CCDC14: variants seen among roughly 807,000 people sequenced by gnomAD.
The protein encoded by CCDC14 is coiled-coil domain-containing protein 14.
Under a neutral mutation model 81.4 loss-of-function variants are expected in CCDC14, and 71 were observed. The ratio of observed to expected loss-of-function variants is 0.87; its 90% CI spans 0.72 to 1.06. The LOEUF (loss-of-function observed/expected upper bound fraction) is 1.06, where lower values mean the gene tolerates loss of function less well. Ranked by LOEUF, CCDC14 falls within the 50% of genes least tolerant of loss-of-function variation. CCDC14 has a pLI of 0.00. For synonymous variants in CCDC14, 332 were observed against 364.8 expected, an observed-to-expected ratio of 0.91 and a Z score of 1.03; for missense variants, 1,046 against 1,047.3, an observed-to-expected ratio of 1.00 and a Z score of 0.02.
chr3:123,921,500 G>A (rs1444029145), intron 12 of CCDC14, among the ~76,000 whole-genome samples: 1 of 152,136 alleles, frequency 6.6e-6, no homozygotes, highest in Non-Finnish European at 1.5e-5. Flanking sequence ...CCCAACATTG[G>A]AGCAACTAAA....
chr3:123,930,541 T>C (rs1476006243), intron 12 of CCDC14, among the ~76,000 whole-genome samples: 1 of 152,234 alleles, frequency 6.6e-6, no homozygotes, highest in African/African-American at 2.4e-5. Flanking sequence ...AATTTTATTT[T>C]AGAAAAATAC....
At chr3:123,900,166 T>C (rs2034150532) in intron 5 of CCDC14, among the ~76,000 whole-genome samples, 1 of 152,356 alleles carries the variant, frequency 6.6e-6, no homozygotes, top group South Asian at 2.1e-4. Context: ...AATAAAAAGC[T>C]ATTAATTGCA....
Position 123,956,789 on chromosome 3 carries a change from A to G in CCDC14, c.37T>C (p.Ser13Pro), listed in dbSNP as rs1240782176. 2.0e-6 allele frequency: 3 copies of G among 1,535,572 alleles called. No homozygotes were observed. Among genetic ancestry groups the G allele is most frequent in the African/African-American group, 1.4e-5 (1 of 72,618 alleles). ...RSGARPGQVL[S>P]SGRHTGPAKL... Reference sequence around the variant, plus strand: ...GCAGGTCCAGTGTGCCTTCCTGAAGATAACACCTATGACATAATATATTAT... The same window carrying G: ...GCAGGTCCAGTGTGCCTTCCTGAAGGTAACACCTATGACATAATATATTAT... The change falls in exon 2 of 13, where the codon TCT becomes CCT. Residue 13 changes from serine (S) to proline (P), a missense_variant. Physicochemically the swap from Ser to Pro is moderately conservative, Grantham distance 74. Transcript: ENST00000409697.
the CCDC14 span, among the ~76,000 whole-genome samples, chr3:123,891,191 C>T: frequency 2.0e-5 from 3 of 152,252 alleles, no homozygotes; most frequent in African/African-American, 7.2e-5. Flanking sequence ...CGTTTTCCTC[C>T]TAGGCCTCCT....
chr3:123,891,653 TATCAGC>T, the CCDC14 span, among the ~76,000 whole-genome samples: 3 of 152,186 alleles, frequency 2.0e-5, no homozygotes, highest in Non-Finnish European at 4.4e-5. Flanking sequence ...TCCATGTTAT[TATCAGC>T]ATTTTTGTCA....
intron 7 of CCDC14, among the ~76,000 whole-genome samples, chr3:123,947,662 A>G (rs935731457): frequency 6.6e-6 from 1 of 152,138 alleles, no homozygotes; most frequent in African/African-American, 2.4e-5. Flanking sequence ...CATCTGTGGT[A>G]TTTGTAAACA....
chr3:123,892,236 C>T, the CCDC14 span, among the ~76,000 whole-genome samples: 1 of 152,164 alleles, frequency 6.6e-6, no homozygotes, highest in Non-Finnish European at 1.5e-5. Context: ...CTTCTGTGCA[C>T]CCCCAGGCCC....
intron 9 of CCDC14, among the ~76,000 whole-genome samples, chr3:123,936,808 T>A (rs576735734): frequency 6.6e-6 from 1 of 152,058 alleles, no homozygotes; most frequent in Non-Finnish European, 1.5e-5. Context: ...TGTTTACCTA[T>A]GTAACAAACC....
downstream of CCDC14, among the ~76,000 whole-genome samples, chr3:123,912,539 T>TG (rs1397911280): frequency 6.6e-6 from 1 of 152,208 alleles, no homozygotes; most frequent in African/African-American, 2.4e-5. Context: ...GTCACCCAGC[T>TG]GACTGAAAAA....
At chr3:123,899,170 T>A (rs1435057379) in intron 5 of CCDC14, among the ~76,000 whole-genome samples, 1 of 152,246 alleles carries the variant, frequency 6.6e-6, no homozygotes, top group Non-Finnish European at 1.5e-5. Context: ...GTTTATTGTT[T>A]AATCGGTTTA....
chr3:123,931,784 T>C (rs1334953689), intron 10 of CCDC14, among the ~76,000 whole-genome samples: 2 of 152,184 alleles, frequency 1.3e-5, no homozygotes, highest in Admixed American at 6.5e-5. Flanking sequence ...ACATAATCCT[T>C]TTAAAAGAAT....
intron 12 of CCDC14, among the ~76,000 whole-genome samples, chr3:123,925,338 T>G (rs1343081924): frequency 2.0e-5 from 3 of 151,960 alleles, no homozygotes; most frequent in African/African-American, 7.2e-5. Flanking sequence ...GTGGTGGATG[T>G]AAGGTAGGGT....
At chr3:123,891,196 C>T in the CCDC14 span, among the ~76,000 whole-genome samples, 1 of 152,204 alleles carries the variant, frequency 6.6e-6, no homozygotes, top group Admixed American at 6.5e-5. Flanking sequence ...TCCTCCTAGG[C>T]CTCCTGGCCT....
chr3:123,924,928 CACACACATATATATGTATACATATAT>C (rs1243453390), intron 12 of CCDC14, among the ~76,000 whole-genome samples: 1 of 142,496 alleles, frequency 7.0e-6, no homozygotes, highest in African/African-American at 2.6e-5. Flanking sequence ...TATATATATA[CACACACATATATATGTATACATATAT>C]ACACACACAC....
intron 9 of CCDC14, among the ~76,000 whole-genome samples, chr3:123,943,463 A>C (rs896400152): frequency 6.6e-6 from 1 of 151,952 alleles, no homozygotes; most frequent in Non-Finnish European, 1.5e-5. Flanking sequence ...AATATACTCT[A>C]ATCTTCTCCC....
the CCDC14 span, among the ~76,000 whole-genome samples, chr3:123,885,646 TC>T: frequency 2.3e-3 from 352 of 152,320 alleles, 1 homozygote; most frequent in Non-Finnish European, 3.7e-3. Flanking sequence ...TGGCAGCTGA[TC>T]CAGGGTCTTC....
At position 123,931,381 on chromosome 3, in the gene CCDC14, T is replaced by C; in HGVS notation, c.1572A>G (p.Ile524Met). The C allele has an allele frequency of 6.6e-7, 1 of 1,523,984 alleles. No individual in the cohort carries two copies. Among genetic ancestry groups the C allele is most frequent in the Middle Eastern group, 1.7e-4 (1 of 5,756 alleles). 94.4% of individuals were successfully genotyped at this position (1,523,984 alleles called of 1,614,324 possible). Residue 524 changes from isoleucine to methionine, a missense_variant, in exon 11 of 13, where the codon ATA becomes ATG. Coordinates refer to ENST00000409697, the MANE Select transcript of CCDC14 (RefSeq NM_001366335.1). ...GTATAGTTTGATCTTTGTCTTTAAA[T>C]ATACTACTAAATTTTTTGTTTTCAT... ...QKDENKKFSS[I>M]FKDKDQTILE... is the part of the protein sequence containing the mutation.
Position 123,931,532 on chromosome 3 carries a change from A to G in CCDC14, c.1427-6T>C. 1.3e-6 allele frequency: 2 copies of G among 1,489,280 alleles called. No homozygotes were observed. The highest frequency in any genetic ancestry group is 1.8e-6 in the Non-Finnish European group (2 of 1,098,980). 92.3% of individuals were successfully genotyped at this position (1,489,280 alleles called of 1,614,324 possible). On this transcript the variant is annotated splice_region_variant and splice_polypyrimidine_tract_variant and intron_variant, in intron 10 of 12. Transcript: ENST00000409697. ...CAATGACTGAAGAGAAAACACTGTT[A>G]AGACAAAATGGATCAAATAGTTGTT...
intron 10 of CCDC14, among the ~76,000 whole-genome samples, chr3:123,932,615 G>A (rs1397075856): frequency 6.6e-6 from 1 of 152,022 alleles, no homozygotes; most frequent in Non-Finnish European, 1.5e-5. Flanking sequence ...TGGCATTTGA[G>A]TCTTTGTCAG....
Sources: allele counts gnomAD v4.1 joint callset (sites outside exome capture counted in the v4.1 genomes callset), GRCh38; gene constraint gnomAD v4.1.1; transcripts MANE v1.5; gene names NCBI Gene and HGNC (gene_info 2026-07-23, HGNC 2026-07-21).